The following AUH variants were observed in gnomAD, a reference collection of about 807,000 sequenced individuals.
AUH encodes the protein AU RNA binding methylglutaconyl-CoA hydratase, also known as methylglutaconyl-CoA hydratase, mitochondrial.
A neutral mutation model predicts 42.3 loss-of-function variants in AUH; 29 were observed. The ratio of observed to expected loss-of-function variants is 0.69; its 90% CI spans 0.51 to 0.93. The LOEUF is 0.93. Ranked by LOEUF, AUH falls within the 40% of genes least tolerant of loss-of-function variation. AUH has a pLI of 0.00. For missense variants in AUH, 452 were observed against 438.1 expected (o/e 1.03, Z -0.28); for synonymous variants, 174 against 166.4 (o/e 1.05, Z -0.35).
chr9:91,250,422 C>T (rs1231039087), intron 6 of AUH, among the ~76,000 whole-genome samples: 1 of 152,222 alleles, frequency 6.6e-6, no homozygotes, highest in African/African-American at 2.4e-5. Flanking sequence ...CATGTCCTGA[C>T]TGAGGATCAG....
intron 3 of AUH, among the ~76,000 whole-genome samples, chr9:91,349,330 T>A (rs1044811588): frequency 1.3e-5 from 2 of 152,234 alleles, no homozygotes; most frequent in Non-Finnish European, 2.9e-5. Context: ...GTTCTACATA[T>A]AGCAATCAAT....
intron 6 of AUH, among the ~76,000 whole-genome samples, chr9:91,244,736 T>G (rs916064735): frequency 3.9e-5 from 6 of 152,148 alleles, no homozygotes; most frequent in African/African-American, 1.4e-4. Context: ...TCCAGGAGAA[T>G]GTGTGAAGGG....
At chr9:91,225,995 A>G (rs1358974127) in intron 6 of AUH, among the ~76,000 whole-genome samples, 3 of 146,348 alleles carry the variant, frequency 2.0e-5, no homozygotes, top group South Asian at 2.3e-4. Context: ...ATTGTGAATA[A>G]TGCCGCAATA....
At chr9:91,257,843 G>T (rs1025747772) in intron 6 of AUH, among the ~76,000 whole-genome samples, 4 of 152,218 alleles carry the variant, frequency 2.6e-5, no homozygotes, top group Admixed American at 1.3e-4. Flanking sequence ...CTACAGATTA[G>T]TTCAAAGAGA....
chr9:91,286,929 A>G (rs986763169), intron 6 of AUH, among the ~76,000 whole-genome samples: 6 of 152,082 alleles, frequency 3.9e-5, no homozygotes, highest in African/African-American at 1.4e-4. Context: ...AGTAGATCTT[A>G]TATGTTCTCA....
At chr9:91,223,771 T>C (rs1433268553) in intron 6 of AUH, among the ~76,000 whole-genome samples, 1 of 152,182 alleles carries the variant, frequency 6.6e-6, no homozygotes, top group East Asian at 1.9e-4. Flanking sequence ...GGGTGTGCAG[T>C]AGCATTTTGA....
chr9:91,259,203 AG>A (rs1829570659), intron 6 of AUH, among the ~76,000 whole-genome samples: 1 of 152,222 alleles, frequency 6.6e-6, no homozygotes, highest in South Asian at 2.1e-4. Flanking sequence ...AAAAAAGTAC[AG>A]AAGTATTCAG....
At chr9:91,285,188 T>C (rs1826301098) in intron 6 of AUH, among the ~76,000 whole-genome samples, 2 of 152,124 alleles carry the variant, frequency 1.3e-5, no homozygotes, top group South Asian at 2.1e-4. Flanking sequence ...GAAATCATCA[T>C]TCTCAGCAAA....
chr9:91,308,558 A>G (rs1828411466), intron 4 of AUH, among the ~76,000 whole-genome samples: 2 of 152,224 alleles, frequency 1.3e-5, no homozygotes, highest in Non-Finnish European at 1.5e-5. Context: ...TTAATCTTTC[A>G]CACACCATAA....
intron 4 of AUH, among the ~76,000 whole-genome samples, chr9:91,311,217 C>T (rs1430943845): frequency 4.6e-5 from 7 of 151,788 alleles, no homozygotes; most frequent in African/African-American, 1.7e-4. Flanking sequence ...TGAAAATTTC[C>T]AAAATTAAAT....
At chr9:91,219,579 T>C (rs1184684308) in intron 7 of AUH, among the ~76,000 whole-genome samples, 5 of 152,264 alleles carry the variant, frequency 3.3e-5, no homozygotes, top group African/African-American at 7.2e-5. Context: ...CAAATACTTA[T>C]TGAGCATCTA....
At chr9:91,303,703 G>A (rs747849599) in intron 4 of AUH, among the ~76,000 whole-genome samples, 2 of 152,182 alleles carry the variant, frequency 1.3e-5, no homozygotes. Context: ...CATTTCAAGG[G>A]AAAGGCCCTA....
intron 4 of AUH, 125 bp from the exon 5 acceptor site, chr9:91,298,201 C>CTT: frequency 1.4e-6 from 1 of 712,478 alleles, no homozygotes; most frequent in South Asian, 1.6e-5. Flanking sequence ...TTTTGTATCC[C>CTT]TTTTACCTTT....
intron 6 of AUH, among the ~76,000 whole-genome samples, chr9:91,276,669 T>A (rs1825569791): frequency 6.6e-6 from 1 of 152,116 alleles, no homozygotes; most frequent in African/African-American, 2.4e-5. Flanking sequence ...AAACTTTTTT[T>A]AAAAAAGGAT....
intron 6 of AUH, among the ~76,000 whole-genome samples, chr9:91,229,942 G>A (rs1442342033): frequency 6.6e-6 from 1 of 152,094 alleles, no homozygotes; most frequent in Non-Finnish European, 1.5e-5. Context: ...AGTCTGATGG[G>A]CTTCCCTTTG....
intron 7 of AUH, among the ~76,000 whole-genome samples, chr9:91,220,495 G>C (rs966822122): frequency 1.3e-5 from 2 of 152,204 alleles, no homozygotes; most frequent in Non-Finnish European, 2.9e-5. Context: ...TTCCATTAGA[G>C]TGCTCAGCTG....
intron 6 of AUH, among the ~76,000 whole-genome samples, chr9:91,233,139 G>GA (rs1827981976): frequency 6.6e-6 from 1 of 152,162 alleles, no homozygotes; most frequent in Admixed American, 6.5e-5. Flanking sequence ...TCGCAATAAA[G>GA]AAAGAAATAC....
In AUH at chr9:91,356,375, T is replaced by C. The variant is rs567263932; in HGVS notation, c.263-220A>G. 5.3e-5 allele frequency among the ~76,000 whole-genome samples: 8 copies of C among 152,332 alleles called. No homozygotes were observed. The South Asian group carries it at 1.4e-3, about 28-fold the overall frequency. On this transcript the variant is annotated intron_variant, in intron 1 of 9. Transcript: ENST00000375731. ...AAACTAGAGGGAAGACTAGACTTATTAGTGAAAATTTTAAGTTAAAGGATA... is the reference window on the plus strand; with the variant it reads ...AAACTAGAGGGAAGACTAGACTTATCAGTGAAAATTTTAAGTTAAAGGATA...
intron 6 of AUH, among the ~76,000 whole-genome samples, chr9:91,231,724 C>T (rs533774898): frequency 1.3e-5 from 2 of 152,314 alleles, no homozygotes; most frequent in Admixed American, 6.5e-5. Flanking sequence ...TTCAAACTCA[C>T]ACTGTCCATC....
Sources: gnomAD v4.1 joint callset for allele counts (sites outside exome capture counted in the v4.1 genomes callset) on GRCh38, gnomAD v4.1.1 for gene constraint, MANE v1.5 for transcripts, NCBI Gene and HGNC (gene_info 2026-07-23, HGNC 2026-07-21) for gene names.